Variants in PTPRD observed in about 807,000 individuals in gnomAD.
The protein encoded by PTPRD is receptor-type tyrosine-protein phosphatase delta.
PTPRD carries 34 observed loss-of-function variants against 214.5 expected under a neutral mutation model. The ratio of observed to expected loss-of-function variants is 0.16; its 90% CI spans 0.12 to 0.21. The LOEUF (loss-of-function observed/expected upper bound fraction) is 0.21. Among genes scored for constraint, PTPRD ranks in the 10% least tolerant of loss-of-function variants. The probability of loss-of-function intolerance (pLI) is 1.00; values close to 1 mark genes in which losing one functional copy is unlikely to be tolerated. For missense variants in PTPRD, 2,545 were observed against 2,398.7 expected (o/e 1.06, Z -1.27); for synonymous variants, 1,128 against 845.7 (o/e 1.33, Z -5.79).
chr9:8,830,490 C>A (rs1258866980), intron 11 of PTPRD, among the ~76,000 whole-genome samples: 1 of 152,094 alleles, frequency 6.6e-6, no homozygotes, highest in Non-Finnish European at 1.5e-5. Flanking sequence ...GGAGAATGGG[C>A]TTCAGTCATC....
chr9:8,369,998 T>C (rs545297422), intron 39 of PTPRD, among the ~76,000 whole-genome samples: 6 of 152,134 alleles, frequency 3.9e-5, no homozygotes, highest in South Asian at 4.1e-4. Context: ...AATTATTCTA[T>C]AAAACAACAT....
intron 3 of PTPRD, among the ~76,000 whole-genome samples, chr9:10,212,451 A>ATATTAAAGATGAAATTTCAAT (rs2099521770): frequency 6.6e-6 from 1 of 152,136 alleles, no homozygotes; most frequent in Non-Finnish European, 1.5e-5. Flanking sequence ...TTTGAAGACA[A>ATATTAAAGATGAAATTTCAAT]TATTAAAGAT....
At chr9:9,738,269 A>C (rs1306417427) in intron 6 of PTPRD, among the ~76,000 whole-genome samples, 4 of 149,258 alleles carry the variant, frequency 2.7e-5, no homozygotes, top group Non-Finnish European at 4.4e-5. Flanking sequence ...AAAAATTCAA[A>C]CAACAACAAC....
chr9:10,549,188 C>T (rs1461604260), intron 2 of PTPRD, among the ~76,000 whole-genome samples: 2 of 152,068 alleles, frequency 1.3e-5, no homozygotes, highest in African/African-American at 4.8e-5. Context: ...CCTGGTATTC[C>T]TAATTCTTAA....
intron 7 of PTPRD, among the ~76,000 whole-genome samples, chr9:9,709,247 T>C (rs960452879): frequency 6.6e-6 from 1 of 152,006 alleles, no homozygotes; most frequent in African/African-American, 2.4e-5. Context: ...CTCTTTTGGA[T>C]TGTGTATTTT....
chr9:10,608,940 G>A (rs761552784), intron 2 of PTPRD, among the ~76,000 whole-genome samples: 3 of 152,026 alleles, frequency 2.0e-5, no homozygotes, highest in Non-Finnish European at 4.4e-5. Context: ...ACAGTGAACC[G>A]ACAGTAGTGG....
At chr9:10,370,568 A>C (rs997517257) in intron 2 of PTPRD, among the ~76,000 whole-genome samples, 1 of 152,140 alleles carries the variant, frequency 6.6e-6, no homozygotes, top group Admixed American at 6.6e-5. Flanking sequence ...AATTAATCAA[A>C]TCAAAAATTA....
At chr9:8,718,137 A>G in intron 12 of PTPRD, among the ~76,000 whole-genome samples, 1 of 152,210 alleles carries the variant, frequency 6.6e-6, no homozygotes, top group East Asian at 1.9e-4. Flanking sequence ...AAAGCTGGAA[A>G]ATCAGAAAGC....
chr9:8,599,494 ACT>A (rs1427968913), intron 14 of PTPRD, among the ~76,000 whole-genome samples: 2 of 152,062 alleles, frequency 1.3e-5, no homozygotes, highest in East Asian at 3.9e-4. Flanking sequence ...TTTTTTTGAT[ACT>A]TTTTTTTCTT....
chr9:9,716,040 C>A (rs1052325606), intron 7 of PTPRD, among the ~76,000 whole-genome samples: 1 of 148,318 alleles, frequency 6.7e-6, no homozygotes, highest in African/African-American at 2.5e-5. Context: ...AGTGTGATGT[C>A]CCCCTTCCTG....
At chr9:9,696,484 T>C (rs2097375965) in intron 7 of PTPRD, among the ~76,000 whole-genome samples, 1 of 152,146 alleles carries the variant, frequency 6.6e-6, no homozygotes, top group South Asian at 2.1e-4. Context: ...TGGGTGCTCC[T>C]GTTTTGTGTG....
chr9:9,955,802 G>T (rs993212014), intron 4 of PTPRD, among the ~76,000 whole-genome samples: 3 of 152,278 alleles, frequency 2.0e-5, no homozygotes, highest in African/African-American at 4.8e-5. Flanking sequence ...GATTACAGGC[G>T]TGAGCCACCA....
At chr9:10,138,622 T>C (rs968552797) in intron 3 of PTPRD, among the ~76,000 whole-genome samples, 5 of 151,874 alleles carry the variant, frequency 3.3e-5, no homozygotes, top group African/African-American at 9.7e-5. Context: ...AGGACAATAT[T>C]CCTGATAAGC....
At chr9:10,187,229 G>A (rs993904409) in intron 3 of PTPRD, among the ~76,000 whole-genome samples, 9 of 151,910 alleles carry the variant, frequency 5.9e-5, no homozygotes, top group Non-Finnish European at 8.8e-5. Flanking sequence ...ACACAGCATC[G>A]TGTGTGAAAT....
At chr9:10,054,661 G>A (rs1229618624) in intron 3 of PTPRD, among the ~76,000 whole-genome samples, 3 of 152,134 alleles carry the variant, frequency 2.0e-5, no homozygotes, top group Non-Finnish European at 4.4e-5. Context: ...GAGAGTAGGA[G>A]TCTAACTTCA....
At chr9:9,407,947 T>A (rs2074085572) in intron 8 of PTPRD, among the ~76,000 whole-genome samples, 1 of 151,768 alleles carries the variant, frequency 6.6e-6, no homozygotes, top group Non-Finnish European at 1.5e-5. Flanking sequence ...CCCAAATACT[T>A]GGAAAGTGGA....
chr9:9,286,684 G>T (rs993760282), intron 9 of PTPRD, among the ~76,000 whole-genome samples: 1 of 150,406 alleles, frequency 6.6e-6, no homozygotes, highest in Non-Finnish European at 1.5e-5. Context: ...TTGGCTCCTT[G>T]TCTTTCATTT....
chr9:9,748,904 T>C (rs79305816), intron 6 of PTPRD, among the ~76,000 whole-genome samples: 39 of 152,332 alleles, frequency 2.6e-4, no homozygotes, highest in African/African-American at 9.4e-4. Context: ...TATTCATTTA[T>C]TGTGTACTAC....
At chr9:10,220,042 T>C in intron 3 of PTPRD, among the ~76,000 whole-genome samples, 1 of 151,818 alleles carries the variant, frequency 6.6e-6, no homozygotes, top group Non-Finnish European at 1.5e-5. Flanking sequence ...ACACACAGAA[T>C]AACTGGTTGG....
Sources: gnomAD v4.1 joint callset for allele counts (sites outside exome capture counted in the v4.1 genomes callset) on GRCh38, gnomAD v4.1.1 for gene constraint, MANE v1.5 for transcripts, NCBI Gene and HGNC (gene_info 2026-07-23, HGNC 2026-07-21) for gene names.